MAML3: variants seen among roughly 807,000 people sequenced by gnomAD.
MAML3 encodes mastermind-like protein 3.
In MAML3, 27 loss-of-function variants were observed where a neutral mutation model predicts 101.9. That is an observed-to-expected ratio of 0.27 (90% CI 0.20 to 0.37). The LOEUF is 0.37. MAML3 is among the 10% of genes least tolerant of loss of function. The pLI is 1.00. For missense variants in MAML3, 1,316 were observed against 1,444.9 expected (o/e 0.91, Z 1.45); for synonymous variants, 501 against 555.9 (o/e 0.90, Z 1.39).
At chr4:140,145,621 A>T (rs1372522911) in intron 1 of MAML3, among the ~76,000 whole-genome samples, 1 of 152,142 alleles carries the variant, frequency 6.6e-6, no homozygotes, top group Non-Finnish European at 1.5e-5. Flanking sequence ...GCTGGAGTGT[A>T]GTGGCACGAT....
intron 2 of MAML3, among the ~76,000 whole-genome samples, chr4:139,874,584 T>TTGAATGAA (rs201445115): frequency 1.3e-5 from 2 of 151,972 alleles, no homozygotes; most frequent in Non-Finnish European, 2.9e-5. Flanking sequence ...ATAAAATATG[T>TTGAATGAA]TGAATGAATG....
chr4:140,088,289 T>C (rs75807505), intron 1 of MAML3, among the ~76,000 whole-genome samples: 3 of 151,982 alleles, frequency 2.0e-5, no homozygotes, highest in African/African-American at 7.2e-5. Context: ...AAGGAAAATT[T>C]ACCTGGTCTA....
intron 1 of MAML3, among the ~76,000 whole-genome samples, chr4:140,033,468 C>G (rs1268480070): frequency 6.6e-6 from 1 of 152,084 alleles, no homozygotes; most frequent in African/African-American, 2.4e-5. Context: ...TGGTAGAATA[C>G]TGAAAAACAA....
In MAML3 at chr4:139,944,569, C is replaced by T. The variant is rs575935119; in HGVS notation, c.469-53602G>A. 9.9e-5 allele frequency among the ~76,000 whole-genome samples: 15 copies of T among 152,200 alleles called. No individual in the cohort carries two copies. In the East Asian group the frequency reaches 2.5e-3, roughly 25 times the overall value. On this transcript the variant is annotated intron_variant, in intron 1 of 4. Transcript: ENST00000509479. ...GTATATGTGCCACATTTTCTTAATC[C>T]AGAATCTACAATGAACTCAAACAAA...
chr4:140,041,240 A>G (rs1396055104), intron 1 of MAML3, among the ~76,000 whole-genome samples: 2 of 152,156 alleles, frequency 1.3e-5, no homozygotes, highest in African/African-American at 4.8e-5. Flanking sequence ...ATGGTTATAT[A>G]CATACCACTG....
chr4:140,071,982 G>T (rs1361102054), intron 1 of MAML3, among the ~76,000 whole-genome samples: 1 of 152,138 alleles, frequency 6.6e-6, no homozygotes, highest in African/African-American at 2.4e-5. Flanking sequence ...GGACGTGGGG[G>T]AGGAAGGGGG....
chr4:139,872,054 T>G (rs1431394796), intron 2 of MAML3, among the ~76,000 whole-genome samples: 2 of 152,228 alleles, frequency 1.3e-5, no homozygotes, highest in Non-Finnish European at 2.9e-5. Flanking sequence ...GTAGCAGTAT[T>G]TCTCATCAAG....
chr4:139,725,861 T>C, intron 3 of MAML3, 26 bp from the exon 4 acceptor site: 1 of 1,598,086 alleles, frequency 6.3e-7, no homozygotes, highest in Non-Finnish European at 8.6e-7. Context: ...ACAAGAGGGG[T>C]GGAGAGGTGA....
At chr4:140,152,839 C>T in intron 1 of MAML3, 21 bp downstream of exon 1, 1 of 1,600,820 alleles carries the variant, frequency 6.2e-7, no homozygotes, top group Non-Finnish European at 8.5e-7. Flanking sequence ...CGCCGCAAGC[C>T]CGCTGCCCGT....
At chr4:139,852,421 T>G (rs925361663) in intron 2 of MAML3, among the ~76,000 whole-genome samples, 19 of 137,428 alleles carry the variant, frequency 1.4e-4, no homozygotes, top group African/African-American at 4.4e-4. Flanking sequence ...TTTTTTTTTT[T>G]TTTTTTTTTG....
At chr4:139,845,374 G>A (rs1731423332) in intron 2 of MAML3, among the ~76,000 whole-genome samples, 1 of 152,230 alleles carries the variant, frequency 6.6e-6, no homozygotes, top group Non-Finnish European at 1.5e-5. Flanking sequence ...CTTTATTCAA[G>A]TTCTGGGTGT....
intron 1 of MAML3, among the ~76,000 whole-genome samples, chr4:139,943,301 C>T (rs6852749): frequency 0.42 from 63,828 of 151,934 alleles, 14,881 homozygotes; most frequent in African/African-American, 0.62. Flanking sequence ...AGGAAAAGAA[C>T]AAAGAGGGCC....
At position 139,841,725 on chromosome 4, in the gene MAML3, T is replaced by A. The variant is rs1731365916; in HGVS notation, c.2079+47632A>T. On this transcript the variant is annotated intron_variant, in intron 2 of 4. Coordinates refer to ENST00000509479, the MANE Select transcript of MAML3 (RefSeq NM_018717.5). ...CCCCACAAGTCACACTTATCAACAG[T>A]GAGAAGAAACAATGCTTTGTCTGAT... Among the ~76,000 whole-genome samples, 3 of 152,246 alleles carry A rather than the reference T, an allele frequency of 2.0e-5. No individual in the cohort carries two copies. The South Asian group carries it at 6.2e-4, about 32-fold the overall frequency.
rs1560797202 is a variant in MAML3 at position 139,797,187 on chromosome 4, ATTATT to A, written c.2080-66525_2080-66521del. ...ACAGTTTATCTCAACCTAAGTTGGC[ATTATT>A]TTAAAGTCATAAAAACATGATAAAA... On this transcript the variant is annotated intron_variant, in intron 2 of 4. Transcript: ENST00000509479. Among the ~76,000 whole-genome samples, 4 of 152,224 alleles carry A rather than the reference ATTATT, an allele frequency of 2.6e-5. No homozygotes were observed. The South Asian group carries it at 8.3e-4, about 31-fold the overall frequency.
chr4:139,740,818 C>A (rs115084000), intron 2 of MAML3: 1 of 152,500 alleles, frequency 6.6e-6, no homozygotes, highest in Admixed American at 6.5e-5. Flanking sequence ...GAGGGCACTT[C>A]CCGCCGTCAT....
chr4:140,145,785 C>T (rs898698933), intron 1 of MAML3, among the ~76,000 whole-genome samples: 5 of 151,792 alleles, frequency 3.3e-5, no homozygotes, highest in Non-Finnish European at 5.9e-5. Flanking sequence ...AGGCTTGTCT[C>T]GAACTCCTGA....
Position 139,890,145 on chromosome 4 carries a change from G to A in MAML3, c.1291C>T (p.Pro431Ser). 6.2e-7 allele frequency: 1 copy of A among 1,613,744 alleles called. No individual in the cohort carries two copies. The highest frequency in any genetic ancestry group is 1.1e-5 in the South Asian group (1 of 91,086). ...AGATAACCATTTCCAGGCCGAGGTG[G>A]AGCTTGGCCTGGAGTGTGGGCTTGG... ...PNQAHTPGQA[P>S]PRPGNGYLLN... Residue 431 changes from proline to serine, a missense_variant, in exon 2 of 5, where the codon CCA (proline) becomes TCA (serine). By Grantham distance (74) the Pro-to-Ser change is moderately conservative (BLOSUM62 -1). Coordinates refer to ENST00000509479, the MANE Select transcript of MAML3 (RefSeq NM_018717.5). The surrounding 1 kb of genome is among the most constrained non-coding windows in gnomAD (Gnocchi z 4.1).
chr4:140,083,124 T>A lies in MAML3; in HGVS notation c.468+69736A>T, dbSNP rs1727890483. Among the ~76,000 whole-genome samples, 4 of 152,348 alleles carry A rather than the reference T, an allele frequency of 2.6e-5. No homozygotes were observed. In the South Asian group the frequency reaches 8.3e-4, roughly 32 times the overall value. On this transcript the variant is annotated intron_variant, in intron 1 of 4. Coordinates refer to ENST00000509479, the MANE Select transcript of MAML3 (RefSeq NM_018717.5). ...GATAGAAATTATTATCTCCATTTTA[T>A]GGAAAAGAATCGAAGGCTCAGAACC...
At chr4:139,943,864 CTTTTTTTTTTTTT>C (rs10644498) in intron 1 of MAML3, among the ~76,000 whole-genome samples, 1 of 65,824 alleles carries the variant, frequency 1.5e-5, no homozygotes, top group African/African-American at 5.9e-5. Flanking sequence ...CTAAAGACAA[CTTTTTTTTTTTTT>C]TTTTTTTTTT....
Sources: gnomAD v4.1 joint callset for allele counts (sites outside exome capture counted in the v4.1 genomes callset) on GRCh38, gnomAD v4.1.1 for gene constraint, Gnocchi (gnomAD v3.1) non-coding constraint, MANE v1.5 for transcripts, NCBI Gene and HGNC (gene_info 2026-07-23, HGNC 2026-07-21) for gene names.